The following CLTCL1 variants were observed in gnomAD, a reference collection of about 807,000 sequenced individuals.
The protein encoded by CLTCL1 is clathrin heavy chain like 1, also known as clathrin heavy chain 2.
A neutral mutation model predicts 190.0 loss-of-function variants in CLTCL1; 159 were observed. The observed-to-expected ratio is 0.84, with a 90% CI of 0.74 to 0.95. CLTCL1 has a LOEUF of 0.95. CLTCL1 is among the 40% of genes least tolerant of loss of function. CLTCL1 has a pLI of 0.00. For synonymous variants in CLTCL1, 752 were observed against 769.6 expected (o/e 0.98, Z 0.38); for missense variants, 1,878 against 2,033.4 (o/e 0.92, Z 1.47).
chr22:19,189,587 C>G (rs1419089764), intron 27 of CLTCL1, among the ~76,000 whole-genome samples: 2 of 152,176 alleles, frequency 1.3e-5, no homozygotes, highest in African/African-American at 4.8e-5. Context: ...CAATTCAGCC[C>G]CTTCTTCAGG....
intron 29 of CLTCL1, among the ~76,000 whole-genome samples, chr22:19,185,465 TACA>T (rs1555927882): frequency 6.6e-6 from 1 of 152,134 alleles, no homozygotes; most frequent in African/African-American, 2.4e-5. Context: ...TGGCTGGGAC[TACA>T]GGCTCCTGCC....
At chr22:19,191,459 C>A (rs1555932131) in intron 26 of CLTCL1, 24 bp from the exon 27 acceptor site, 1 of 1,610,198 alleles carries the variant, frequency 6.2e-7, no homozygotes, top group Admixed American at 1.7e-5. Flanking sequence ...AGCTGAGGGT[C>A]AGTCCCTGCC....
intron 11 of CLTCL1, among the ~76,000 whole-genome samples, chr22:19,228,602 T>C (rs1005368656): frequency 6.6e-6 from 1 of 152,174 alleles, no homozygotes; most frequent in Non-Finnish European, 1.5e-5. Flanking sequence ...TTTGAATAAA[T>C]TGAGGTAACA....
intron 19 of CLTCL1, among the ~76,000 whole-genome samples, chr22:19,212,701 A>G (rs1408706892): frequency 2.0e-5 from 3 of 152,220 alleles, no homozygotes; most frequent in African/African-American, 7.2e-5. Flanking sequence ...GAAGAATTAC[A>G]CTATCTGGCC....
At chr22:19,188,815 T>C (rs1041434980) in intron 27 of CLTCL1, among the ~76,000 whole-genome samples, 6 of 150,100 alleles carry the variant, frequency 4.0e-5, no homozygotes, top group East Asian at 2.0e-4. Context: ...GGTTTCACCA[T>C]ATTGGTCAGG....
intron 3 of CLTCL1, among the ~76,000 whole-genome samples, chr22:19,253,669 G>A (rs1180407009): frequency 6.6e-6 from 1 of 151,560 alleles, no homozygotes; most frequent in Non-Finnish European, 1.5e-5. Flanking sequence ...ATTTCTCTCA[G>A]TTCCAGGCCT....
intron 26 of CLTCL1, 84 bp downstream of exon 26, chr22:19,196,182 C>A: frequency 7.1e-7 from 1 of 1,411,836 alleles, no homozygotes; most frequent in Admixed American, 2.0e-5. Context: ...GGTACTCATT[C>A]CACTCCCACC....
At chr22:19,248,310 T>A (rs1425911159) in intron 3 of CLTCL1, among the ~76,000 whole-genome samples, 2 of 151,482 alleles carry the variant, frequency 1.3e-5, no homozygotes, top group African/African-American at 4.8e-5. Flanking sequence ...AAAAAAAAAA[T>A]TATGAATTTT....
Position 19,198,127 on chromosome 22 carries a change from A to G in CLTCL1, c.3874-1471T>C, listed in dbSNP as rs913569656. Among the ~76,000 whole-genome samples, 8 of 152,120 alleles carry G rather than the reference A, an allele frequency of 5.3e-5. No individual in the cohort carries two copies. The highest frequency in any genetic ancestry group is 1.7e-4 in the African/African-American group (7 of 41,416). ...TCAGTCTTCCCCTCATCCACTGGTG[A>G]TAACTCCGTTATTTCTACTTATTCA... is the stretch of plus-strand genomic sequence containing the variant. On this transcript the variant is annotated intron_variant, in intron 24 of 32. Transcript: ENST00000427926. The surrounding 1 kb of genome is among the most constrained non-coding windows in gnomAD (Gnocchi z 4.1).
At position 19,261,121 on chromosome 22, in the gene CLTCL1, T is replaced by TC. The variant is rs202041827; in HGVS notation, c.251-6895_251-6894insG. ...CTTATTATTTAAGAAATGCATTTTT[T>TC]TTTTTTTTGAGACGGAGTCTTTGCT... is the stretch of plus-strand genomic sequence containing the variant. On this transcript the variant is annotated intron_variant, in intron 2 of 32. Transcript: ENST00000427926. Among the ~76,000 whole-genome samples, 1,425 of 152,110 alleles carry TC rather than the reference T, an allele frequency of 9.4e-3. 35 individuals carry two copies. The highest frequency in any genetic ancestry group is 0.068 in the East Asian group (347 of 5,140).
intron 4 of CLTCL1, among the ~76,000 whole-genome samples, chr22:19,240,259 A>G (rs1174718677): frequency 1.7e-4 from 26 of 150,618 alleles, no homozygotes; most frequent in South Asian, 1.0e-3. Flanking sequence ...CACCACGCCC[A>G]GCCACCATAA....
At chr22:19,285,274 T>TAA (rs1223526589) in intron 1 of CLTCL1, among the ~76,000 whole-genome samples, 1 of 150,760 alleles carries the variant, frequency 6.6e-6, no homozygotes, top group Admixed American at 6.6e-5. Context: ...GACTCCATCT[T>TAA]AAAAAAAAGA....
At chr22:19,266,021 G>A (rs1270004115) in intron 2 of CLTCL1, among the ~76,000 whole-genome samples, 8 of 152,086 alleles carry the variant, frequency 5.3e-5, no homozygotes, top group African/African-American at 1.7e-4. Flanking sequence ...CCACAGACAC[G>A]TACTACCACA....
intron 3 of CLTCL1, among the ~76,000 whole-genome samples, chr22:19,250,448 C>T (rs528728588): frequency 6.6e-6 from 1 of 151,756 alleles, no homozygotes; most frequent in Non-Finnish European, 1.5e-5. Flanking sequence ...AAGCAATTCT[C>T]CTGCCTGAGC....
chr22:19,212,883 GAAGGA>G (rs1555947680), intron 19 of CLTCL1, among the ~76,000 whole-genome samples: 1 of 152,154 alleles, frequency 6.6e-6, no homozygotes, highest in South Asian at 2.1e-4. Flanking sequence ...GAAACTTTTA[GAAGGA>G]AATAACAGAA....
intron 30 of CLTCL1, 93 bp from the exon 31 acceptor site, chr22:19,180,899 TC>T: frequency 9.4e-7 from 1 of 1,061,548 alleles, no homozygotes; most frequent in Non-Finnish European, 1.5e-6. Context: ...ACACAGGGCC[TC>T]CAGGAGAATG....
rs782354234 is a variant in CLTCL1 at position 19,187,987 on chromosome 22, G to A, written c.4428C>T (p.Asp1476=). 21 of 1,613,570 alleles carry A rather than the reference G, an allele frequency of 1.3e-5. No individual in the cohort carries two copies. Among genetic ancestry groups the A allele is most frequent in the East Asian group, 8.9e-5 (4 of 44,886 alleles). ...CTCCTTCCTGCACACCCACCTGATAGTCCTCCTCCTCTGTCAGCAGGTGGT... is the reference window on the plus strand; with the variant it reads ...CTCCTTCCTGCACACCCACCTGATAATCCTCCTCCTCTGTCAGCAGGTGGT... ...ALNHLLTEEE[D]YQGLRASIDA... Residue 1476 remains aspartate (D), a synonymous_variant, in exon 28 of 33, where the codon GAC becomes GAT. Coordinates refer to ENST00000427926, the MANE Select transcript of CLTCL1 (RefSeq NM_007098.4).
chr22:19,287,226 C>G (rs1455072980), intron 1 of CLTCL1, among the ~76,000 whole-genome samples: 1 of 152,132 alleles, frequency 6.6e-6, no homozygotes, highest in Non-Finnish European at 1.5e-5. Context: ...CCTGAGCTCA[C>G]AATCCAGCAG....
chr22:19,274,705 A>G (rs2087436461), intron 2 of CLTCL1, among the ~76,000 whole-genome samples: 1 of 151,824 alleles, frequency 6.6e-6, no homozygotes, highest in Non-Finnish European at 1.5e-5. Context: ...TTACCTCCAG[A>G]AACAGTTTTT....
Sources: gnomAD v4.1 joint callset for allele counts (sites outside exome capture counted in the v4.1 genomes callset) on GRCh38, gnomAD v4.1.1 for gene constraint, Gnocchi (gnomAD v3.1) non-coding constraint, MANE v1.5 for transcripts, NCBI Gene and HGNC (gene_info 2026-07-23, HGNC 2026-07-21) for gene names.